Variants in TBCEL observed in about 807,000 individuals in gnomAD.
TBCEL encodes the protein tubulin-specific chaperone cofactor E-like protein.
In TBCEL, 15 loss-of-function variants were observed where a neutral mutation model predicts 44.2. That is an observed-to-expected ratio of 0.34 (90% confidence interval 0.23 to 0.52). The LOEUF (loss-of-function observed/expected upper bound fraction) is 0.52, where lower values mean the gene tolerates loss of function less well. TBCEL is among the 20% of genes least tolerant of loss of function. The pLI is 0.95. For synonymous variants in TBCEL, 171 were observed against 185.4 expected, an observed-to-expected ratio of 0.92 and a Z score of 0.63; for missense variants, 319 against 506.3, an observed-to-expected ratio of 0.63 and a Z score of 3.55.
At chr11:121,080,784 T>G (rs1217745626) in intron 8 of TBCEL, among the ~76,000 whole-genome samples, 1 of 152,142 alleles carries the variant, frequency 6.6e-6, no homozygotes, top group Non-Finnish European at 1.5e-5. Context: ...ATTGAGGAAA[T>G]GCCCCCAGGT....
At chr11:121,028,022 G>A (rs565405796) in intron 1 of TBCEL, among the ~76,000 whole-genome samples, 6 of 152,046 alleles carry the variant, frequency 3.9e-5, no homozygotes, top group East Asian at 1.9e-4. Flanking sequence ...CCTGGGCAAC[G>A]TAGGGAGACC....
At chr11:121,054,988 A>G in intron 5 of TBCEL, 64 bp from the exon 6 acceptor site, 2 of 1,381,142 alleles carry the variant, frequency 1.4e-6, no homozygotes, top group Non-Finnish European at 1.9e-6. Flanking sequence ...GAATGAATGA[A>G]AATAGGTGTA....
intron 8 of TBCEL, among the ~76,000 whole-genome samples, chr11:121,062,671 C>T (rs1046827953): frequency 2.0e-5 from 3 of 152,052 alleles, no homozygotes; most frequent in Non-Finnish European, 2.9e-5. Flanking sequence ...TTCTTGAATG[C>T]GAGTCATAGA....
chr11:121,080,141 C>T lies in TBCEL; in HGVS notation c.957-6637C>T, dbSNP rs539399505. On this transcript the variant is annotated intron_variant, in intron 8 of 8. Coordinates refer to ENST00000683345, the MANE Select transcript of TBCEL (RefSeq NM_001363644.2). ...CGTATTTTTCTTTTAGTTAATTAAA[C>T]TTCAAGATTTGGTTTAACCAAGTGA... Among the ~76,000 whole-genome samples the T allele has an allele frequency of 3.9e-5, 6 of 152,206 alleles. No individual in the cohort carries two copies. The East Asian group carries it at 1.2e-3, about 29-fold the overall frequency.
chr11:121,052,991 A>AT (rs796222391), intron 4 of TBCEL, among the ~76,000 whole-genome samples: 1,598 of 148,642 alleles, frequency 0.011, 27 homozygotes, highest in African/African-American at 0.033. Flanking sequence ...ATAGTTACGG[A>AT]TTTTTTTTTT....
chr11:121,052,619 G>A (rs913345884), intron 4 of TBCEL, among the ~76,000 whole-genome samples: 4 of 151,816 alleles, frequency 2.6e-5, no homozygotes, highest in Admixed American at 6.6e-5. Context: ...TGTTTAAGCT[G>A]ATCCTTCTCG....
chr11:121,059,780 G>A (rs1050588457), intron 7 of TBCEL, among the ~76,000 whole-genome samples, 189 bp from the exon 8 acceptor site: 6 of 151,914 alleles, frequency 3.9e-5, no homozygotes, highest in African/African-American at 1.4e-4. Flanking sequence ...ACATGAAAGT[G>A]AAACTCAATT....
intron 5 of TBCEL, 148 bp downstream of exon 5, chr11:121,053,880 T>C: frequency 2.4e-6 from 2 of 830,626 alleles, no homozygotes; most frequent in Admixed American, 2.8e-5. Context: ...GGAATGAGAA[T>C]GTGAGGGTAA....
At chr11:121,044,142 T>G (rs935282800) in intron 2 of TBCEL, among the ~76,000 whole-genome samples, 1 of 152,094 alleles carries the variant, frequency 6.6e-6, no homozygotes, top group South Asian at 2.1e-4. Flanking sequence ...CTCTGCTTTC[T>G]ATTTATTCTA....
chr11:121,053,363 T>G (rs1945563253), intron 4 of TBCEL, among the ~76,000 whole-genome samples, 188 bp from the exon 5 acceptor site: 1 of 151,890 alleles, frequency 6.6e-6, no homozygotes, highest in Non-Finnish European at 1.5e-5. Flanking sequence ...CATTGAAAGA[T>G]TAAATTATTT....
rs1946259035 is a variant in TBCEL at position 121,089,241 on chromosome 11, CAATT to C, written c.*2149_*2152del. 1 of 152,110 alleles carries C rather than the reference CAATT, an allele frequency of 6.6e-6. No homozygotes were observed. Among genetic ancestry groups the C allele is most frequent in the African/African-American group, 2.4e-5 (1 of 41,416 alleles). The allele number at this position is 152,110 out of a possible 1,614,324, so 9.4% of individuals were successfully genotyped here. A position where few individuals can be genotyped will look rare whatever the true frequency, so the allele number is the denominator to read the frequency against. On this transcript the variant is annotated 3_prime_UTR_variant, in exon 9 of 9. Coordinates refer to ENST00000683345, the MANE Select transcript of TBCEL (RefSeq NM_001363644.2). The stretch of plus-strand genomic sequence containing the variant: ...GCTTTAATCATAAGTGGAATGGTCA[CAATT>C]AATAAGATATTTTATATATGGCAAA...
chr11:121,043,461 G>C (rs1945370465), intron 2 of TBCEL, among the ~76,000 whole-genome samples: 1 of 152,072 alleles, frequency 6.6e-6, no homozygotes, highest in African/African-American at 2.4e-5. Flanking sequence ...ACCACTAATT[G>C]GAAGCAATTT....
At chr11:121,031,858 A>G (rs942097940) in intron 1 of TBCEL, among the ~76,000 whole-genome samples, 1 of 151,456 alleles carries the variant, frequency 6.6e-6, no homozygotes, top group Non-Finnish European at 1.5e-5. Context: ...GGGTCTTGCT[A>G]TGTTGCCCAG....
intron 8 of TBCEL, among the ~76,000 whole-genome samples, chr11:121,070,127 GAA>G (rs1565503750): frequency 1.3e-5 from 2 of 152,174 alleles, no homozygotes; most frequent in African/African-American, 4.8e-5. Context: ...GGCCATCAGA[GAA>G]ATGCAAATCA....
At chr11:121,077,520 A>G (rs980391969) in intron 8 of TBCEL, among the ~76,000 whole-genome samples, 1 of 152,038 alleles carries the variant, frequency 6.6e-6, no homozygotes, top group African/African-American at 2.4e-5. Context: ...TCTTTTCTTA[A>G]TCAGTCCAGC....
chr11:121,053,583 G>A lies in TBCEL; in HGVS notation c.306G>A (p.Leu102=). The stretch of plus-strand genomic sequence containing the variant: ...AAATTGTGTCAAATGTTCCTCAGTT[G>A]GAGTTTCTAAACCTGAGTTCCAACC... The part of the protein sequence containing the change: ...VSKIVSNVPQ[L]EFLNLSSNPL... The change falls in exon 5 of 9, where the codon TTG becomes TTA. Residue 102 remains leucine, a synonymous_variant. Coordinates refer to ENST00000683345, the MANE Select transcript of TBCEL (RefSeq NM_001363644.2). 1.2e-6 allele frequency: 2 copies of A among 1,612,000 alleles called. No individual in the cohort carries two copies. The highest frequency in any genetic ancestry group is 1.7e-6 in the Non-Finnish European group (2 of 1,178,790).
intron 3 of TBCEL, among the ~76,000 whole-genome samples, chr11:121,047,046 T>C (rs1945443239): frequency 6.6e-6 from 1 of 151,976 alleles, no homozygotes; most frequent in South Asian, 2.1e-4. Context: ...AGTGATTTAG[T>C]AGATTAATGG....
At position 121,059,941 on chromosome 11, in the gene TBCEL, AT is replaced by A. The variant is rs760537257; in HGVS notation, c.840-27del. 5.4e-6 allele frequency: 8 copies of A among 1,489,896 alleles called. No individual in the cohort carries two copies. In the Admixed American group the frequency reaches 1.4e-4, roughly 26 times the overall value. The allele number at this position is 1,489,896 out of a possible 1,614,324, so 92.3% of individuals were successfully genotyped here. ...GCTAAATATATTAGTATCTTAAAAA[AT>A]GTCTTTATTTTGGTTTTAACTTATA... On this transcript the variant is annotated intron_variant, in intron 7 of 8. Coordinates refer to ENST00000683345, the MANE Select transcript of TBCEL (RefSeq NM_001363644.2).
intron 2 of TBCEL, among the ~76,000 whole-genome samples, chr11:121,038,949 T>C (rs1945282749): frequency 1.3e-5 from 2 of 152,194 alleles, no homozygotes; most frequent in Admixed American, 6.5e-5. Flanking sequence ...AAACTCTTAG[T>C]TGCCCAGTCC....
Sources: gnomAD v4.1 joint callset for allele counts (sites outside exome capture counted in the v4.1 genomes callset) on GRCh38, gnomAD v4.1.1 for gene constraint, MANE v1.5 for transcripts, NCBI Gene and HGNC (gene_info 2026-07-23, HGNC 2026-07-21) for gene names.